Variants in CDH13 observed in about 807,000 individuals in gnomAD.
The protein encoded by CDH13 is cadherin 13, also known as cadherin-13.
In CDH13, 24 loss-of-function variants were observed where a neutral mutation model predicts 63.8. The observed-to-expected ratio is 0.38, with a 90% CI of 0.27 to 0.53. CDH13 has a LOEUF of 0.53. CDH13 is among the 20% of genes least tolerant of loss of function. The pLI is 0.85. For missense variants in CDH13, 1,049 were observed against 903.1 expected (o/e 1.16, Z -2.07); for synonymous variants, 503 against 355.3 (o/e 1.42, Z -4.67).
chr16:83,505,431 A>G (rs1217916201), intron 7 of CDH13, among the ~76,000 whole-genome samples: 6 of 151,888 alleles, frequency 4.0e-5, no homozygotes, highest in Admixed American at 2.6e-4. Context: ...TAATGAATTC[A>G]TGGGAAACAG....
Position 82,993,822 on chromosome 16 carries a change from A to G in CDH13, c.158-38188A>G, listed in dbSNP as rs149063016. On this transcript the variant is annotated intron_variant, in intron 2 of 13. Transcript: ENST00000567109. ...CAGGTTTTCCTGAAACGTCATTTTG[A>G]CAGGGTTATAGTCAGGTGGAATCTC... Among the ~76,000 whole-genome samples, 177 of 152,274 alleles carry G rather than the reference A, an allele frequency of 1.2e-3. 1 individual carries two copies. The highest frequency in any genetic ancestry group is 4.1e-3 in the African/African-American group (169 of 41,554).
chr16:83,164,002 T>C (rs574627792), intron 4 of CDH13, among the ~76,000 whole-genome samples: 1 of 152,184 alleles, frequency 6.6e-6, no homozygotes, highest in African/African-American at 2.4e-5. Context: ...GCAAACATTA[T>C]CTAATTTAAT....
intron 7 of CDH13, among the ~76,000 whole-genome samples, chr16:83,514,366 G>A (rs117430654): frequency 0.038 from 5,759 of 152,226 alleles, 183 homozygotes; most frequent in South Asian, 0.11. Context: ...GAGGAGGGCC[G>A]GGTTCGGTGG....
At chr16:82,884,254 G>T in intron 2 of CDH13, 3 of 453,832 alleles carry the variant, frequency 6.6e-6, no homozygotes, top group South Asian at 4.7e-5. Flanking sequence ...CCATGAGAAG[G>T]AAATCTGCAG....
intron 7 of CDH13, among the ~76,000 whole-genome samples, chr16:83,572,163 CCA>C (rs1199161339): frequency 1.6e-5 from 2 of 123,442 alleles, no homozygotes; most frequent in African/African-American, 5.9e-5. Flanking sequence ...ATTTTTTATT[CCA>C]CTTTCCTGTG....
chr16:83,301,998 T>C (rs1270154703), intron 5 of CDH13, among the ~76,000 whole-genome samples: 1 of 151,498 alleles, frequency 6.6e-6, no homozygotes, highest in African/African-American at 2.4e-5. Flanking sequence ...AGGAATGAAG[T>C]AAAACTTGCT....
At chr16:82,679,362 G>T (rs1418510205) in intron 1 of CDH13, among the ~76,000 whole-genome samples, 1 of 152,202 alleles carries the variant, frequency 6.6e-6, no homozygotes, top group Non-Finnish European at 1.5e-5. Context: ...GGGGAGCAGG[G>T]TAGCAGGGAG....
intron 3 of CDH13, among the ~76,000 whole-genome samples, chr16:83,109,453 G>A (rs2034955321): frequency 6.6e-6 from 1 of 152,192 alleles, no homozygotes; most frequent in Non-Finnish European, 1.5e-5. Context: ...GGTGCCTGTG[G>A]ATAGTCATGT....
At chr16:83,260,441 T>G (rs892874453) in intron 5 of CDH13, among the ~76,000 whole-genome samples, 1 of 151,776 alleles carries the variant, frequency 6.6e-6, no homozygotes, top group South Asian at 2.1e-4. Context: ...CCCAGCACAG[T>G]CAGTTCTGCG....
At chr16:83,532,639 C>T (rs1343937763) in intron 7 of CDH13, among the ~76,000 whole-genome samples, 1 of 152,204 alleles carries the variant, frequency 6.6e-6, no homozygotes, top group African/African-American at 2.4e-5. Flanking sequence ...CCACATTCGC[C>T]ATGTCAGTTT....
chr16:83,417,783 C>A (rs1418584095), intron 6 of CDH13, among the ~76,000 whole-genome samples: 2 of 152,170 alleles, frequency 1.3e-5, no homozygotes, highest in Non-Finnish European at 2.9e-5. Context: ...TCAGAATTCT[C>A]TTTTCCAATT....
intron 10 of CDH13, among the ~76,000 whole-genome samples, chr16:83,731,724 A>T (rs1911061882): frequency 6.6e-6 from 1 of 152,170 alleles, no homozygotes; most frequent in Admixed American, 6.5e-5. Flanking sequence ...GCTATTTCCT[A>T]GGTTTTTTCC....
chr16:82,690,764 C>A (rs1240234860), intron 1 of CDH13, among the ~76,000 whole-genome samples: 2 of 152,228 alleles, frequency 1.3e-5, no homozygotes, highest in Non-Finnish European at 2.9e-5. Context: ...ATGCAGCACA[C>A]CTGGCCTGGC....
intron 11 of CDH13, among the ~76,000 whole-genome samples, chr16:83,768,759 G>A (rs1054244359): frequency 6.6e-6 from 1 of 151,938 alleles, no homozygotes; most frequent in African/African-American, 2.4e-5. Flanking sequence ...AACTGTCATG[G>A]TGCTGGTTGG....
intron 1 of CDH13, among the ~76,000 whole-genome samples, chr16:82,712,410 T>C (rs1227391759): frequency 6.6e-6 from 1 of 152,204 alleles, no homozygotes; most frequent in Non-Finnish European, 1.5e-5. Flanking sequence ...ACTGCCTCTA[T>C]GTAAATGAAA....
At chr16:83,216,427 T>TATATATATATATATATATATA (rs71148821) in intron 4 of CDH13, among the ~76,000 whole-genome samples, 1 of 45,056 alleles carries the variant, frequency 2.2e-5, no homozygotes. Flanking sequence ...TATATATATA[T>TATATATATATATATATATATA]ATATATATAT....
intron 7 of CDH13, among the ~76,000 whole-genome samples, chr16:83,587,214 C>T (rs1323760479): frequency 1.3e-5 from 2 of 152,240 alleles, no homozygotes; most frequent in African/African-American, 2.4e-5. Flanking sequence ...TTCGAGGGAA[C>T]GGAGGATGAA....
chr16:82,769,964 G>A (rs1879853018), intron 1 of CDH13, among the ~76,000 whole-genome samples: 1 of 152,226 alleles, frequency 6.6e-6, no homozygotes, highest in African/African-American at 2.4e-5. Context: ...AACTGAATTG[G>A]ATTTTCAATA....
At chr16:83,654,189 C>T (rs937580223) in intron 8 of CDH13, among the ~76,000 whole-genome samples, 2 of 151,874 alleles carry the variant, frequency 1.3e-5, no homozygotes, top group African/African-American at 2.4e-5. Context: ...GAATTTGTTC[C>T]GGTTCTTTCT....
Sources: allele counts gnomAD v4.1 joint callset (sites outside exome capture counted in the v4.1 genomes callset), GRCh38; gene constraint gnomAD v4.1.1; transcripts MANE v1.5; gene names NCBI Gene and HGNC (gene_info 2026-07-23, HGNC 2026-07-21).